The following NPM1 variants were observed in gnomAD, a reference collection of about 807,000 sequenced individuals.
NPM1 encodes nucleophosmin 1.
In NPM1, 1 loss-of-function variant was observed where a neutral mutation model predicts 44.1. That is an observed-to-expected ratio of 0.02 (90% CI 0.01 to 0.11). The LOEUF is 0.11. Among genes scored for constraint, NPM1 ranks in the 10% least tolerant of loss-of-function variants. The pLI, the probability that NPM1 is intolerant of heterozygous loss-of-function variation, is 1.00. For synonymous variants in NPM1, 126 were observed against 111.8 expected, an observed-to-expected ratio of 1.13 and a Z score of -0.80; for missense variants, 197 against 347.8, an observed-to-expected ratio of 0.57 and a Z score of 3.45.
intron 3 of NPM1, 127 bp from the exon 4 acceptor site, chr5:171,391,576 TCTG>T (rs1164081803): frequency 7.0e-5 from 81 of 1,155,436 alleles, no homozygotes; most frequent in Non-Finnish European, 9.9e-5. Flanking sequence ...CATGGGGGCT[TCTG>T]CTGCTACTTT....
chr5:171,407,842 A>T, intron 10 of NPM1, 68 bp downstream of exon 10: 1 of 961,414 alleles, frequency 1.0e-6, no homozygotes, highest in African/African-American at 1.6e-5. Context: ...TTCTGCCTTT[A>T]CCCTTTTTAA....
In NPM1 at chr5:171,392,993, A is replaced by G. The variant is rs1471228728; in HGVS notation, c.524+15A>G. ...GATGATGAAGAGTAAGTATGATTTT[A>G]GAAACTTGATATACTTCCGGAATCT... is the stretch of plus-strand genomic sequence containing the variant. On this transcript the variant is annotated intron_variant, in intron 6 of 10. Transcript: ENST00000296930. 1 of 1,606,222 alleles carries G rather than the reference A, an allele frequency of 6.2e-7. No individual in the cohort carries two copies. Among genetic ancestry groups the G allele is most frequent in the Middle Eastern group, 1.7e-4 (1 of 5,982 alleles).
rs1354663496 is a variant in NPM1, at chr5:171,400,210, A to AGTG, written c.582+1_582+3dup. On this transcript the variant is annotated inframe_insertion and splice_region_variant. Coordinates refer to ENST00000296930, the MANE Select transcript of NPM1 (RefSeq NM_002520.7). The stretch of plus-strand genomic sequence containing the variant: ...CTGAAGAAAAAGCGCCAGTGAAGAA[A>AGTG]GTGAGTAGATACAATGCTACAAGGT... The AGTG allele has an allele frequency of 6.2e-7, 1 of 1,613,682 alleles. No homozygotes were observed. Among genetic ancestry groups the AGTG allele is most frequent in the East Asian group, 2.2e-5 (1 of 44,864 alleles).
intron 8 of NPM1, among the ~76,000 whole-genome samples, chr5:171,401,167 G>A (rs750519632): frequency 3.3e-5 from 5 of 151,988 alleles, no homozygotes; most frequent in Non-Finnish European, 5.9e-5. Context: ...AGACTAGCCC[G>A]GCCAACATCG....
intron 8 of NPM1, among the ~76,000 whole-genome samples, chr5:171,402,976 T>TC (rs1561872990): frequency 5.7e-5 from 8 of 140,742 alleles, no homozygotes; most frequent in African/African-American, 2.1e-4. Context: ...TCATTTTATT[T>TC]ATTTATTTAT....
chr5:171,399,236 T>TG (rs1299826268), intron 6 of NPM1, among the ~76,000 whole-genome samples: 1 of 151,906 alleles, frequency 6.6e-6, no homozygotes, highest in African/African-American at 2.4e-5. Flanking sequence ...TTGGCCTCTT[T>TG]GGGTCCCTTA....
At chr5:171,404,852 C>T (rs1279032597) in intron 8 of NPM1, among the ~76,000 whole-genome samples, 3 of 152,026 alleles carry the variant, frequency 2.0e-5, no homozygotes. Flanking sequence ...CACCATTGAG[C>T]ACTGAGTGAA....
intron 6 of NPM1, among the ~76,000 whole-genome samples, chr5:171,393,182 T>C (rs1051706662): frequency 3.3e-5 from 5 of 152,210 alleles, no homozygotes; most frequent in African/African-American, 1.2e-4. Flanking sequence ...TCTGTGAGCC[T>C]TTACAATGCT....
intron 8 of NPM1, 74 bp from the exon 9 acceptor site, chr5:171,405,228 A>G: frequency 1.4e-6 from 1 of 714,692 alleles, no homozygotes; most frequent in Non-Finnish European, 2.4e-6. Context: ...ATTTGAGGAA[A>G]TCCAGATAGA....
chr5:171,397,784 C>G (rs1421548311), intron 6 of NPM1, among the ~76,000 whole-genome samples: 1 of 150,476 alleles, frequency 6.6e-6, no homozygotes, highest in Non-Finnish European at 1.5e-5. Flanking sequence ...CTGTGAGCCA[C>G]TGTGCCTGGC....
intron 6 of NPM1, 78 bp downstream of exon 6, chr5:171,393,056 G>A: frequency 6.6e-7 from 1 of 1,513,540 alleles, no homozygotes; most frequent in Non-Finnish European, 8.9e-7. Context: ...ATATGCATGA[G>A]GGTTTTATAA....
At position 171,400,842 on chromosome 5, in the gene NPM1, A is replaced by G. The variant is rs376742289; in HGVS notation, c.586A>G (p.Ile196Val). ...TAAGATAAATTTCTAATTGCAGTCT[A>G]TACGAGATACTCCAGCCAAAAATGC... ...AEEKAPVKKS[I>V]RDTPAKNAQK... The change falls in exon 8 of 11, where the codon ATA (isoleucine) becomes GTA (valine). Residue 196 changes from isoleucine to valine, a missense_variant. Coordinates refer to ENST00000296930, the MANE Select transcript of NPM1 (RefSeq NM_002520.7). 8 of 1,602,516 alleles carry G rather than the reference A, an allele frequency of 5.0e-6. No homozygotes were observed. Among genetic ancestry groups the G allele is most frequent in the South Asian group, 1.1e-5 (1 of 90,730 alleles).
chr5:171,400,950 G>A, intron 8 of NPM1, 25 bp downstream of exon 8: 2 of 1,466,858 alleles, frequency 1.4e-6, no homozygotes, highest in Non-Finnish European at 1.9e-6. Context: ...TTACACGTGG[G>A]TCTCATTGAT....
At chr5:171,400,779 G>A in intron 7 of NPM1, 60 bp from the exon 8 acceptor site, 3 of 1,131,606 alleles carry the variant, frequency 2.7e-6, no homozygotes, top group Non-Finnish European at 4.0e-6. Context: ...GGCTTGGACA[G>A]CTTTGTTTGC....
intron 8 of NPM1, 22 bp downstream of exon 8, chr5:171,400,947 T>C: frequency 6.8e-7 from 1 of 1,472,924 alleles, no homozygotes. Flanking sequence ...CATTTACACG[T>C]GGGTCTCATT....
At chr5:171,387,299 T>C (rs1268560742), upstream of NPM1, 1 of 153,490 alleles carries the variant, frequency 6.5e-6, no homozygotes, top group Non-Finnish European at 1.5e-5. Flanking sequence ...TCACTCTCTC[T>C]GGCACCTGAA....
At chr5:171,408,368 A>T (rs895329489) in intron 10 of NPM1, among the ~76,000 whole-genome samples, 1 of 152,190 alleles carries the variant, frequency 6.6e-6, no homozygotes, top group Non-Finnish European at 1.5e-5. Context: ...TGTAAGGACA[A>T]TGTAAAAGTG....
chr5:171,391,217 T>C (rs1770559632), intron 2 of NPM1, 88 bp from the exon 3 acceptor site: 2 of 1,432,220 alleles, frequency 1.4e-6, no homozygotes, highest in Non-Finnish European at 1.9e-6. Flanking sequence ...TGTGGTTAAG[T>C]GACGCATGGC....
intron 3 of NPM1, 63 bp downstream of exon 3, chr5:171,391,487 G>T: frequency 6.3e-7 from 1 of 1,586,520 alleles, no homozygotes; most frequent in Non-Finnish European, 8.6e-7. Context: ...AGGTAGGTTT[G>T]GTGTCATTTA....
Sources: allele counts gnomAD v4.1 joint callset (sites outside exome capture counted in the v4.1 genomes callset), GRCh38; gene constraint gnomAD v4.1.1; transcripts MANE v1.5; gene names NCBI Gene and HGNC (gene_info 2026-07-23, HGNC 2026-07-21).